Variants in COL10A1 observed in about 807,000 individuals in gnomAD.
COL10A1 encodes collagen alpha-1(X) chain.
Under a neutral mutation model 18.2 loss-of-function variants are expected in COL10A1, and 10 were observed. The observed-to-expected ratio is 0.55, with a 90% CI of 0.34 to 0.93. COL10A1 has a LOEUF of 0.93. Ranked by LOEUF, COL10A1 falls within the 40% of genes least tolerant of loss-of-function variation. The probability of loss-of-function intolerance (pLI) is 0.02; values close to 1 mark genes in which losing one functional copy is unlikely to be tolerated. For missense variants in COL10A1, 897 were observed against 853.5 expected (o/e 1.05, Z -0.64); for synonymous variants, 330 against 316.6 (o/e 1.04, Z -0.45).
At chr6:116,207,703 A>T in the COL10A1 span, among the ~76,000 whole-genome samples, 1 of 151,892 alleles carries the variant, frequency 6.6e-6, no homozygotes, top group African/African-American at 2.4e-5. Flanking sequence ...CCCTGCTTAG[A>T]GTAGAATATT....
intron 1 of COL10A1, chr6:116,125,816 C>T (rs1779285256): frequency 4.4e-6 from 1 of 227,954 alleles, no homozygotes; most frequent in Admixed American, 5.3e-5. Context: ...CCTGAAATAT[C>T]TAATAGTTTC....
intron 1 of COL10A1, among the ~76,000 whole-genome samples, chr6:116,153,727 A>C (rs1780110653): frequency 6.6e-6 from 1 of 152,124 alleles, no homozygotes; most frequent in African/African-American, 2.4e-5. Flanking sequence ...CAGTCTAGTA[A>C]CTTTCTTACT....
upstream of COL10A1, among the ~76,000 whole-genome samples, chr6:116,161,438 T>C (rs906014224): frequency 6.6e-6 from 1 of 151,886 alleles, no homozygotes; most frequent in Non-Finnish European, 1.5e-5. Flanking sequence ...AGGGGTCCAG[T>C]TTTATTCTTC....
rs1779135274 is a variant in COL10A1, at chr6:116,121,724, G to C, written c.392C>G (p.Pro131Arg). ...GCCCCGGGGTCCTGGTAGGCCAGCT[G>C]GTCCAACATCTCCTTTTGGTCCATA... is the stretch of plus-strand genomic sequence containing the variant. Reference protein sequence around the residue: ...GPYGPKGDVGPAGLPGPRGPP... With the variant: ...GPYGPKGDVGRAGLPGPRGPP... The change falls in exon 3 of 3, where the codon CCA (proline) becomes CGA (arginine). Residue 131 changes from proline (P) to arginine (R), a missense_variant. Transcript: ENST00000651968. The C allele has an allele frequency of 6.2e-7, 1 of 1,613,938 alleles. No individual in the cohort carries two copies. The highest frequency in any genetic ancestry group is 8.5e-7 in the Non-Finnish European group (1 of 1,180,006).
At chr6:116,132,389 A>G (rs550572511) in intron 1 of COL10A1, among the ~76,000 whole-genome samples, 1 of 151,986 alleles carries the variant, frequency 6.6e-6, no homozygotes, top group East Asian at 1.9e-4. Context: ...TTTCCTGTAC[A>G]TGTTCTATAA....
the COL10A1 span, among the ~76,000 whole-genome samples, chr6:116,199,512 A>C: frequency 6.6e-6 from 1 of 152,118 alleles, no homozygotes; most frequent in Non-Finnish European, 1.5e-5. Context: ...TCTTTAAAAA[A>C]CAAAGAAGTC....
the COL10A1 span, among the ~76,000 whole-genome samples, chr6:116,178,992 T>C: frequency 2.0e-5 from 3 of 152,232 alleles, no homozygotes; most frequent in African/African-American, 4.8e-5. Context: ...TCTATCCTCA[T>C]CTTCATAGTT....
At chr6:116,151,369 GAAGA>G (rs1264105224) in intron 1 of COL10A1, among the ~76,000 whole-genome samples, 3 of 152,106 alleles carry the variant, frequency 2.0e-5, no homozygotes, top group African/African-American at 4.8e-5. Context: ...AATTGTACAG[GAAGA>G]AAGATTCTTT....
rs1002584768 is a variant in COL10A1 at position 116,119,755 on chromosome 6, T to TA, written c.*317dup. ...AGAGCTCTATTTCTGTTTTTTTTTT[T>TA]AATTTTTTTTTTGTTGTTTGTTTTT... On this transcript the variant is annotated 3_prime_UTR_variant, in exon 3 of 3. Coordinates refer to ENST00000651968, the MANE Select transcript of COL10A1 (RefSeq NM_000493.4). 8.2e-6 allele frequency: 2 copies of TA among 243,072 alleles called. No individual in the cohort carries two copies. The highest frequency in any genetic ancestry group is 4.6e-5 in the African/African-American group (2 of 43,954). The allele number at this position is 243,072 out of a possible 1,614,324, so 15.1% of individuals were successfully genotyped here.
chr6:116,150,129 A>G (rs1278264132), intron 1 of COL10A1, among the ~76,000 whole-genome samples: 1 of 152,200 alleles, frequency 6.6e-6, no homozygotes, highest in African/African-American at 2.4e-5. Flanking sequence ...GACAAGGGCA[A>G]TGAGAGGCCA....
chr6:116,162,081 C>T (rs1174174722), upstream of COL10A1, among the ~76,000 whole-genome samples: 4 of 151,834 alleles, frequency 2.6e-5, no homozygotes, highest in African/African-American at 9.7e-5. Flanking sequence ...TCTGCTTGAC[C>T]ATTGTTGGTG....
In COL10A1 at chr6:116,120,491, G is replaced by T; in HGVS notation, c.1625C>A (p.Ala542Asp). 6.2e-7 allele frequency: 1 copy of T among 1,614,072 alleles called. No homozygotes were observed. The highest frequency in any genetic ancestry group is 2.2e-5 in the East Asian group (1 of 44,892). ...PSLSGTPLVS[A>D]NQGVTGMPVS... ...AGGCATTCCTGTTACCCCCTGGTTGGCACTAACAAGAGGGGTCCCAGAAAG... is the reference window on the plus strand; with the variant it reads ...AGGCATTCCTGTTACCCCCTGGTTGTCACTAACAAGAGGGGTCCCAGAAAG... Residue 542 changes from alanine to aspartate, a missense_variant, in exon 3 of 3, where the codon GCC becomes GAC. Coordinates refer to ENST00000651968, the MANE Select transcript of COL10A1 (RefSeq NM_000493.4).
the COL10A1 span, among the ~76,000 whole-genome samples, chr6:116,167,941 C>G: frequency 6.6e-6 from 1 of 152,226 alleles, no homozygotes; most frequent in African/African-American, 2.4e-5. Flanking sequence ...TTATTTTCTG[C>G]ACTATAGTCT....
At chr6:116,137,758 A>G (rs1451688938) in intron 1 of COL10A1, among the ~76,000 whole-genome samples, 2 of 152,198 alleles carry the variant, frequency 1.3e-5, no homozygotes, top group Non-Finnish European at 2.9e-5. Flanking sequence ...AAAACCAGTT[A>G]TCTTTTAGAG....
intron 1 of COL10A1, among the ~76,000 whole-genome samples, chr6:116,135,834 GATATATATATATATATATATATATAT>G (rs199827970): frequency 5.0e-4 from 51 of 102,356 alleles, no homozygotes; most frequent in Admixed American, 1.8e-3. Flanking sequence ...TATATTTTCA[GATATATATATATATATATATATATAT>G]ATATATATAT....
the COL10A1 span, among the ~76,000 whole-genome samples, chr6:116,176,346 ATGTGGTTTGCT>A: frequency 1.3e-5 from 2 of 152,066 alleles, no homozygotes; most frequent in Non-Finnish European, 2.9e-5. Context: ...GCTTAGCATT[ATGTGGTTTGCT>A]TCTGTTGGGC....
the COL10A1 span, among the ~76,000 whole-genome samples, chr6:116,212,673 A>G: frequency 6.6e-6 from 1 of 152,094 alleles, no homozygotes; most frequent in South Asian, 2.1e-4. Flanking sequence ...AAAGTTTTTG[A>G]GTTGAGATTT....
At chr6:116,157,515 A>G (rs1268391286) in intron 1 of COL10A1, among the ~76,000 whole-genome samples, 1 of 152,204 alleles carries the variant, frequency 6.6e-6, no homozygotes, top group African/African-American at 2.4e-5. Flanking sequence ...TAAATTAGAA[A>G]AATATTAACA....
At chr6:116,199,791 C>A in the COL10A1 span, among the ~76,000 whole-genome samples, 1 of 151,910 alleles carries the variant, frequency 6.6e-6, no homozygotes, top group Non-Finnish European at 1.5e-5. Context: ...GAATTATAAC[C>A]CAGAGTATAA....
Sources: allele counts gnomAD v4.1 joint callset (sites outside exome capture counted in the v4.1 genomes callset), GRCh38; gene constraint gnomAD v4.1.1; transcripts MANE v1.5; gene names NCBI Gene and HGNC (gene_info 2026-07-23, HGNC 2026-07-21).